Variants in ARMC9 observed in about 807,000 individuals in gnomAD.
ARMC9 encodes lisH domain-containing protein ARMC9.
In ARMC9, 94 loss-of-function variants were observed where a neutral mutation model predicts 107.0. The observed-to-expected ratio is 0.88, with a 90% CI of 0.74 to 1.04. The LOEUF (loss-of-function observed/expected upper bound fraction) is 1.04. ARMC9 is among the 50% of genes least tolerant of loss of function. ARMC9 has a pLI of 0.00. For missense variants in ARMC9, 942 were observed against 1,030.1 expected, an observed-to-expected ratio of 0.91 and a Z score of 1.17; for synonymous variants, 380 against 396.9, an observed-to-expected ratio of 0.96 and a Z score of 0.51.
intron 17 of ARMC9, among the ~76,000 whole-genome samples, chr2:231,288,146 A>G (rs2040735396): frequency 6.6e-6 from 1 of 152,266 alleles, no homozygotes; most frequent in South Asian, 2.1e-4. Context: ...CCTAGCGTGC[A>G]GTAAGCATTG....
At chr2:231,224,746 T>C (rs759692676) in intron 6 of ARMC9, among the ~76,000 whole-genome samples, 1 of 152,234 alleles carries the variant, frequency 6.6e-6, no homozygotes, top group Non-Finnish European at 1.5e-5. Flanking sequence ...ATGAGTCAAA[T>C]ATTGTTCTAG....
At chr2:231,311,333 T>C (rs2042334665) in intron 19 of ARMC9, among the ~76,000 whole-genome samples, 1 of 152,092 alleles carries the variant, frequency 6.6e-6, no homozygotes, top group Non-Finnish European at 1.5e-5. Context: ...TTTTATTCTG[T>C]GTTAGTGAAT....
At chr2:231,223,172 T>C (rs1230942822) in intron 6 of ARMC9, among the ~76,000 whole-genome samples, 1 of 152,262 alleles carries the variant, frequency 6.6e-6, no homozygotes, top group Non-Finnish European at 1.5e-5. Flanking sequence ...GGCCATGGCA[T>C]ATGGATCGGG....
At chr2:231,368,545 T>G (rs946543537) in intron 23 of ARMC9, among the ~76,000 whole-genome samples, 1 of 152,214 alleles carries the variant, frequency 6.6e-6, no homozygotes, top group Non-Finnish European at 1.5e-5. Context: ...CCTGTAACTG[T>G]ACCCACAAGT....
chr2:231,245,694 C>G (rs2036697825), intron 9 of ARMC9, among the ~76,000 whole-genome samples: 1 of 152,172 alleles, frequency 6.6e-6, no homozygotes, highest in Non-Finnish European at 1.5e-5. Context: ...TTCTAGAGTT[C>G]TAATTTGAGA....
At chr2:231,350,636 GA>G (rs1160653582) in intron 21 of ARMC9, among the ~76,000 whole-genome samples, 1 of 112,122 alleles carries the variant, frequency 8.9e-6, no homozygotes, top group African/African-American at 8.1e-5. Flanking sequence ...AAAAAAAAAA[GA>G]AAAAGAAAAA....
intron 16 of ARMC9, among the ~76,000 whole-genome samples, chr2:231,280,704 C>T (rs1055966155): frequency 3.3e-5 from 5 of 151,994 alleles, no homozygotes; most frequent in Non-Finnish European, 7.4e-5. Context: ...ATGAATGAAA[C>T]CCCGAGGAAA....
At chr2:231,242,188 G>A (rs1188680572) in intron 9 of ARMC9, among the ~76,000 whole-genome samples, 1 of 149,212 alleles carries the variant, frequency 6.7e-6, no homozygotes, top group African/African-American at 2.5e-5. Flanking sequence ...TCAGACAACT[G>A]CTTCACACAG....
At chr2:231,282,189 C>G (rs1056516747) in intron 17 of ARMC9, 56 bp downstream of exon 17, 57 of 1,566,906 alleles carry the variant, frequency 3.6e-5, no homozygotes, top group Non-Finnish European at 4.8e-5. Flanking sequence ...CAGTTCAGAG[C>G]TTTTAGAGCA....
chr2:231,245,313 G>A (rs1258912324), intron 9 of ARMC9, among the ~76,000 whole-genome samples: 1 of 152,200 alleles, frequency 6.6e-6, no homozygotes, highest in African/African-American at 2.4e-5. Context: ...AAGAGGCTGA[G>A]TTTTTTGTTT....
At chr2:231,294,544 T>C (rs2041231548) in intron 18 of ARMC9, 1 of 152,398 alleles carries the variant, frequency 6.6e-6, no homozygotes, top group East Asian at 1.9e-4. Flanking sequence ...ACTTCACTTC[T>C]CAGGACAGGA....
chr2:231,302,788 A>T (rs2041833987), intron 19 of ARMC9, among the ~76,000 whole-genome samples: 1 of 152,116 alleles, frequency 6.6e-6, no homozygotes, highest in Non-Finnish European at 1.5e-5. Context: ...GGATCACCTG[A>T]GGTCAGGAGT....
At chr2:231,338,000 A>G (rs999971320) in intron 20 of ARMC9, among the ~76,000 whole-genome samples, 4 of 152,152 alleles carry the variant, frequency 2.6e-5, no homozygotes, top group African/African-American at 9.7e-5. Context: ...TACCTTATCA[A>G]TCCAGCTAAA....
At chr2:231,230,887 G>A (rs2035152529) in intron 7 of ARMC9, among the ~76,000 whole-genome samples, 1 of 152,208 alleles carries the variant, frequency 6.6e-6, no homozygotes, top group Non-Finnish European at 1.5e-5. Context: ...TGAGGTGGTT[G>A]AATCCACAGG....
chr2:231,225,206 A>G (rs556574243), intron 6 of ARMC9, among the ~76,000 whole-genome samples: 1 of 152,340 alleles, frequency 6.6e-6, no homozygotes, highest in East Asian at 1.9e-4. Context: ...GTATATTTCT[A>G]TGCATTTTTA....
chr2:231,234,573 A>G (rs1559327853), intron 7 of ARMC9, among the ~76,000 whole-genome samples: 2 of 152,192 alleles, frequency 1.3e-5, no homozygotes, highest in Non-Finnish European at 2.9e-5. Flanking sequence ...TGATTCAGGC[A>G]TTTTATGAGC....
intron 19 of ARMC9, 88 bp from the exon 20 acceptor site, chr2:231,331,705 T>C (rs1238093789): frequency 8.4e-7 from 1 of 1,191,602 alleles, no homozygotes; most frequent in African/African-American, 1.5e-5. Context: ...GCCTTCTTGT[T>C]TCATGACAGC....
intron 7 of ARMC9, among the ~76,000 whole-genome samples, chr2:231,232,131 T>C (rs2035289781): frequency 1.3e-5 from 2 of 150,396 alleles, no homozygotes; most frequent in Admixed American, 1.3e-4. Context: ...GTTCAAGCGA[T>C]TCTGCTGCCT....
At chr2:231,371,096 G>C (rs2046002681) in intron 24 of ARMC9, 1 of 470,080 alleles carries the variant, frequency 2.1e-6, no homozygotes, top group African/African-American at 2.0e-5. Flanking sequence ...AGGCGCAGAG[G>C]AGGTGCAGCA....
Sources: allele counts gnomAD v4.1 joint callset (sites outside exome capture counted in the v4.1 genomes callset), GRCh38; gene constraint gnomAD v4.1.1; transcripts MANE v1.5; gene names NCBI Gene and HGNC (gene_info 2026-07-23, HGNC 2026-07-21).